SCAF8: variants seen among roughly 807,000 people sequenced by gnomAD.
SCAF8 encodes SR-related CTD associated factor 8.
Under a neutral mutation model 140.5 loss-of-function variants are expected in SCAF8, and 23 were observed. That is an observed-to-expected ratio of 0.16 (90% confidence interval 0.12 to 0.23). The LOEUF (loss-of-function observed/expected upper bound fraction) is 0.23, where lower values mean the gene tolerates loss of function less well. Ranked by LOEUF, SCAF8 falls within the 10% of genes least tolerant of loss-of-function variation. SCAF8 has a pLI of 1.00. For synonymous variants in SCAF8, 575 were observed against 528.9 expected (o/e 1.09, Z -1.20); for missense variants, 1,397 against 1,555.7 (o/e 0.90, Z 1.72).
intron 1 of SCAF8, among the ~76,000 whole-genome samples, chr6:154,749,663 CT>C (rs1346651889): frequency 6.6e-6 from 1 of 152,058 alleles, no homozygotes; most frequent in Non-Finnish European, 1.5e-5. Context: ...GAAATTGCAG[CT>C]TTGGGTAGGG....
At chr6:154,739,476 A>T (rs778132014) in intron 1 of SCAF8, among the ~76,000 whole-genome samples, 1 of 152,096 alleles carries the variant, frequency 6.6e-6, no homozygotes, top group African/African-American at 2.4e-5. Context: ...CCCATGATCT[A>T]TTTCTCTTGC....
chr6:154,739,028 C>T (rs1778500536), intron 1 of SCAF8, among the ~76,000 whole-genome samples: 1 of 152,136 alleles, frequency 6.6e-6, no homozygotes, highest in African/African-American at 2.4e-5. Context: ...TTCTCTTGCC[C>T]AGGCTAGAGT....
intron 1 of SCAF8, among the ~76,000 whole-genome samples, chr6:154,751,848 C>T (rs533023128): frequency 1.6e-4 from 24 of 152,138 alleles, no homozygotes; most frequent in Non-Finnish European, 2.9e-4. Flanking sequence ...TGTGCTGCTC[C>T]TCTCCTCCTC....
chr6:154,806,934 A>G (rs1777934631), intron 9 of SCAF8, among the ~76,000 whole-genome samples: 2 of 152,234 alleles, frequency 1.3e-5, no homozygotes, highest in African/African-American at 2.4e-5. Flanking sequence ...ACAGCTCGTC[A>G]GTGATGTAAT....
rs71021076 is a variant in SCAF8, at chr6:154,767,529, CTTTTTTTTTTT to C, written c.31-6443_31-6433del. On this transcript the variant is annotated intron_variant, in intron 1 of 19. Transcript: ENST00000367178. Reference sequence around the variant, plus strand: ...TGGCAGAAGCTGCTGCTTCTGTTATCTTTTTTTTTTTTTTTTTTTTTTTTTTTGAGATGGGC... The same window carrying C: ...TGGCAGAAGCTGCTGCTTCTGTTATCTTTTTTTTTTTTTTTTGAGATGGGC... Among the ~76,000 whole-genome samples, 82 of 91,012 alleles carry C rather than the reference CTTTTTTTTTTT, an allele frequency of 9.0e-4. 1 individual carries two copies. Among genetic ancestry groups the C allele is most frequent in the East Asian group, 1.5e-3 (5 of 3,420 alleles). 59.7% of individuals were successfully genotyped at this position (91,012 alleles called of 152,430 possible). A position where few individuals can be genotyped will look rare whatever the true frequency, so the allele number is the denominator to read the frequency against.
At chr6:154,806,859 A>T (rs976891778) in intron 9 of SCAF8, among the ~76,000 whole-genome samples, 8 of 152,186 alleles carry the variant, frequency 5.3e-5, no homozygotes, top group African/African-American at 1.9e-4. Flanking sequence ...GAAGTTGAAG[A>T]TAGAACACAA....
chr6:154,735,902 C>T (rs1778404339), intron 1 of SCAF8, among the ~76,000 whole-genome samples: 1 of 151,048 alleles, frequency 6.6e-6, no homozygotes, highest in Non-Finnish European at 1.5e-5. Context: ...TCTTGGCTCA[C>T]TGCATCCTTT....
chr6:154,808,897 A>T, intron 11 of SCAF8, 99 bp downstream of exon 11: 1 of 790,992 alleles, frequency 1.3e-6, no homozygotes, highest in Non-Finnish European at 2.0e-6. Context: ...TTGGGATGAC[A>T]TATTTTTTCT....
Position 154,808,156 on chromosome 6 carries a change from T to G in SCAF8, c.1068T>G (p.Leu356=). The change falls in exon 10 of 20, where the codon CTT becomes CTG. Residue 356 remains leucine, a synonymous_variant. Transcript: ENST00000367178. The part of the protein sequence containing the change: ...PSQGSSQQHF[L]EPEVNLDDSI... The stretch of plus-strand genomic sequence containing the variant: ...AAGGGAGTAGTCAGCAGCATTTTCT[T>G]GAACCTGAAGTCAATTTGGATGATT... 1 of 1,614,000 alleles carries G rather than the reference T, an allele frequency of 6.2e-7. No individual in the cohort carries two copies. The highest frequency in any genetic ancestry group is 8.5e-7 in the Non-Finnish European group (1 of 1,179,850).
Position 154,832,304 on chromosome 6 carries a change from C to A in SCAF8, c.2725C>A (p.Pro909Thr). 6.2e-7 allele frequency: 1 copy of A among 1,614,036 alleles called. No individual in the cohort carries two copies. The highest frequency in any genetic ancestry group is 8.5e-7 in the Non-Finnish European group (1 of 1,179,994). ...GCCACCAGCTGGACCTCAAAACTTACCCCCTTTAAGTATCCCTAATCAAAG... is the reference window on the plus strand; with the variant it reads ...GCCACCAGCTGGACCTCAAAACTTAACCCCTTTAAGTATCCCTAATCAAAG... ...TQPPAGPQNLPPLSIPNQRMP... is the reference protein window; with the variant it reads ...TQPPAGPQNLTPLSIPNQRMP... Residue 909 changes from proline to threonine, a missense_variant, in exon 20 of 20, where the codon CCC becomes ACC. Pro to Thr is a conservative substitution (Grantham distance 38, BLOSUM62 -1). Around this residue, in one of 5 missense-constraint regions of SCAF8, gnomAD observed 930 missense variants for 874.6 expected, o/e 1.06. Coordinates refer to ENST00000367178, the MANE Select transcript of SCAF8 (RefSeq NM_014892.5).
At chr6:154,773,644 G>C (rs1162375701) in intron 1 of SCAF8, among the ~76,000 whole-genome samples, 2 of 152,160 alleles carry the variant, frequency 1.3e-5, no homozygotes, top group African/African-American at 4.8e-5. Context: ...GGAATTGGCT[G>C]GGTCTTACGT....
chr6:154,822,876 T>G (rs551357624), intron 16 of SCAF8, among the ~76,000 whole-genome samples: 1 of 152,358 alleles, frequency 6.6e-6, no homozygotes, highest in African/African-American at 2.4e-5. Flanking sequence ...CTCTGCCCTT[T>G]TGGAGCTTTT....
chr6:154,755,057 A>G (rs1488355298), intron 1 of SCAF8, among the ~76,000 whole-genome samples: 1 of 152,206 alleles, frequency 6.6e-6, no homozygotes, highest in African/African-American at 2.4e-5. Context: ...TTTGTCAGTC[A>G]TGAAAGCTAA....
chr6:154,782,066 T>G (rs1777101156), intron 3 of SCAF8, among the ~76,000 whole-genome samples: 1 of 152,210 alleles, frequency 6.6e-6, no homozygotes, highest in African/African-American at 2.4e-5. Flanking sequence ...GTCTCTGGCC[T>G]TGTCCTAATT....
At chr6:154,796,353 T>TTCCC (rs772760237) in intron 6 of SCAF8, among the ~76,000 whole-genome samples, 29 of 75,242 alleles carry the variant, frequency 3.9e-4, no homozygotes, top group South Asian at 2.6e-3. Context: ...TGCAATCCTG[T>TTCCC]TCTCTCTCTC....
intron 2 of SCAF8, among the ~76,000 whole-genome samples, chr6:154,774,738 A>G (rs1251505054): frequency 2.0e-5 from 3 of 152,218 alleles, no homozygotes; most frequent in African/African-American, 7.2e-5. Flanking sequence ...GCTCTCATAA[A>G]GTAGGTTTTG....
chr6:154,756,741 T>C (rs1389878383), intron 1 of SCAF8, among the ~76,000 whole-genome samples: 1 of 152,192 alleles, frequency 6.6e-6, no homozygotes, highest in Non-Finnish European at 1.5e-5. Flanking sequence ...AAATACGTTC[T>C]TTAAGCTGGG....
At chr6:154,751,458 C>T (rs1476482615) in intron 1 of SCAF8, among the ~76,000 whole-genome samples, 1 of 152,066 alleles carries the variant, frequency 6.6e-6, no homozygotes, top group Admixed American at 6.6e-5. Context: ...GAACTCCCTA[C>T]CTCAGGTGAT....
chr6:154,771,243 G>C (rs1455590028), intron 1 of SCAF8, among the ~76,000 whole-genome samples: 1 of 152,166 alleles, frequency 6.6e-6, no homozygotes, highest in Non-Finnish European at 1.5e-5. Context: ...CATAAAAGAG[G>C]GAGTATTGAT....
Sources: gnomAD v4.1 joint callset for allele counts (sites outside exome capture counted in the v4.1 genomes callset) on GRCh38, gnomAD v4.1.1 for gene constraint, gnomAD v4.1.1 regional missense constraint, MANE v1.5 for transcripts, NCBI Gene and HGNC (gene_info 2026-07-23, HGNC 2026-07-21) for gene names.